The following ACSM6 variants were observed in gnomAD, a reference collection of about 807,000 sequenced individuals.
ACSM6 encodes the protein acyl-CoA synthetase medium chain family member 6, also known as acyl-coenzyme A synthetase ACSM6, mitochondrial.
In ACSM6, 35 loss-of-function variants were observed where a neutral mutation model predicts 51.1. The observed-to-expected ratio is 0.69, with a 90% CI of 0.52 to 0.91. The LOEUF (loss-of-function observed/expected upper bound fraction) is 0.91. Ranked by LOEUF, ACSM6 falls within the 40% of genes least tolerant of loss-of-function variation. The pLI, the probability that ACSM6 is intolerant of heterozygous loss-of-function variation, is 0.00. For missense variants in ACSM6, 509 were observed against 584.1 expected, an observed-to-expected ratio of 0.87 and a Z score of 1.32; for synonymous variants, 172 against 207.3, an observed-to-expected ratio of 0.83 and a Z score of 1.46.
chr10:95,217,659 C>CA (rs1174796243), intron 8 of ACSM6, among the ~76,000 whole-genome samples: 3 of 151,712 alleles, frequency 2.0e-5, no homozygotes, highest in South Asian at 2.1e-4. Flanking sequence ...GTCATACGTC[C>CA]AAAAAAAATT....
At chr10:95,198,959 A>T (rs1029286226) in intron 2 of ACSM6, among the ~76,000 whole-genome samples, 8 of 152,208 alleles carry the variant, frequency 5.3e-5, no homozygotes, top group African/African-American at 1.9e-4. Context: ...TACCATCTCC[A>T]TCAAGCTACC....
intron 2 of ACSM6, 79 bp downstream of exon 2, chr10:95,194,756 T>G: frequency 8.0e-7 from 1 of 1,256,084 alleles, no homozygotes; most frequent in African/African-American, 1.5e-5. Context: ...GAGATTCATA[T>G]CCCATCTATG....
intron 4 of ACSM6, among the ~76,000 whole-genome samples, chr10:95,209,373 C>G (rs527714987): frequency 6.6e-6 from 1 of 152,052 alleles, no homozygotes; most frequent in Non-Finnish European, 1.5e-5. Context: ...AAGACTGCGG[C>G]AGGTCTTGGA....
At chr10:95,195,733 G>A (rs777551876) in intron 2 of ACSM6, among the ~76,000 whole-genome samples, 3 of 150,426 alleles carry the variant, frequency 2.0e-5, no homozygotes, top group Non-Finnish European at 3.0e-5. Context: ...TTCATCACCC[G>A]CTTTGGGAGG....
chr10:95,223,227 G>A (rs1336773458), intron 9 of ACSM6, among the ~76,000 whole-genome samples: 1 of 151,244 alleles, frequency 6.6e-6, no homozygotes, highest in African/African-American at 2.4e-5. Flanking sequence ...ATGGCTTTGC[G>A]GTGAATTCTA....
At chr10:95,218,570 C>T (rs1280130839) in intron 8 of ACSM6, among the ~76,000 whole-genome samples, 3 of 152,216 alleles carry the variant, frequency 2.0e-5, no homozygotes, top group African/African-American at 7.2e-5. Context: ...TTAACACCAG[C>T]AACTCTGGAG....
chr10:95,196,704 G>A (rs2034728031), intron 2 of ACSM6, among the ~76,000 whole-genome samples: 2 of 152,176 alleles, frequency 1.3e-5, no homozygotes, highest in African/African-American at 4.8e-5. Flanking sequence ...CAAACACTAT[G>A]CTGTGAAAGC....
intron 9 of ACSM6, among the ~76,000 whole-genome samples, chr10:95,220,266 T>C (rs1183733468): frequency 6.6e-6 from 1 of 152,204 alleles, no homozygotes; most frequent in Non-Finnish European, 1.5e-5. Context: ...ATTAAAAAGA[T>C]ATGTGCAAAA....
intron 8 of ACSM6, among the ~76,000 whole-genome samples, chr10:95,218,258 A>G (rs185177946): frequency 6.6e-6 from 1 of 152,372 alleles, no homozygotes; most frequent in East Asian, 1.9e-4. Flanking sequence ...GAGAAAATGT[A>G]CATCTTCCAT....
intron 10 of ACSM6, chr10:95,228,430 G>C (rs1217412573): frequency 6.6e-6 from 3 of 452,480 alleles, no homozygotes; most frequent in Non-Finnish European, 1.1e-5. Context: ...CTTGTTTCTA[G>C]CTGGGACAAA....
exon 2 of ACSM6, chr10:95,194,596 C>A (rs1371401743): frequency 6.4e-7 from 1 of 1,552,080 alleles, no homozygotes; most frequent in African/African-American, 1.4e-5. Flanking sequence ...GACCCCCTGA[C>A]TCCAGGTGCC....
At chr10:95,213,692 G>T (rs1388021067) in intron 7 of ACSM6, among the ~76,000 whole-genome samples, 1 of 152,096 alleles carries the variant, frequency 6.6e-6, no homozygotes, top group Non-Finnish European at 1.5e-5. Flanking sequence ...CAATTCCCTA[G>T]GGTACCAACT....
chr10:95,201,836 G>A, intron 2 of ACSM6, 149 bp from the exon 3 acceptor site: 2 of 653,258 alleles, frequency 3.1e-6, no homozygotes, highest in South Asian at 1.9e-5. Context: ...ATATTTCTGT[G>A]CCAGTTGAGA....
intron 10 of ACSM6, 60 bp downstream of exon 10, chr10:95,225,451 T>A: frequency 8.6e-7 from 1 of 1,157,556 alleles, no homozygotes; most frequent in Non-Finnish European, 1.2e-6. Context: ...GTAGTGCCAT[T>A]ATTGTTGAGT....
chr10:95,223,515 C>G (rs1397828595), intron 9 of ACSM6, among the ~76,000 whole-genome samples: 4 of 152,030 alleles, frequency 2.6e-5, no homozygotes, highest in African/African-American at 9.7e-5. Context: ...TCCAGAAATA[C>G]AAAGTTGGTT....
intron 4 of ACSM6, among the ~76,000 whole-genome samples, chr10:95,208,157 T>G (rs562667302): frequency 4.4e-4 from 67 of 151,454 alleles, no homozygotes; most frequent in Non-Finnish European, 5.0e-4. Context: ...AAAAAAGAAA[T>G]AATGTCTTTT....
At chr10:95,201,432 T>A (rs2034793088) in intron 2 of ACSM6, 1 of 453,328 alleles carries the variant, frequency 2.2e-6, no homozygotes, top group South Asian at 1.6e-5. Context: ...TCTGAGTTAT[T>A]TCCCATAGGA....
intron 3 of ACSM6, among the ~76,000 whole-genome samples, chr10:95,205,837 A>C (rs1183523608): frequency 2.6e-5 from 4 of 152,156 alleles, no homozygotes; most frequent in African/African-American, 9.7e-5. Flanking sequence ...GGTTTCATAT[A>C]TATATACTCA....
intron 2 of ACSM6, among the ~76,000 whole-genome samples, chr10:95,196,602 G>A (rs756877067): frequency 2.0e-5 from 3 of 152,156 alleles, no homozygotes; most frequent in Admixed American, 6.5e-5. Flanking sequence ...TAGATCATCC[G>A]ATTTCACAAA....
Sources: allele counts gnomAD v4.1 joint callset (sites outside exome capture counted in the v4.1 genomes callset), GRCh38; gene constraint gnomAD v4.1.1; transcripts MANE v1.5; gene names NCBI Gene and HGNC (gene_info 2026-07-23, HGNC 2026-07-21).